MRAS: variants seen among roughly 807,000 people sequenced by gnomAD.
MRAS encodes the protein muscle RAS oncogene homolog.
Under a neutral mutation model 20.9 loss-of-function variants are expected in MRAS, and 4 were observed. The ratio of observed to expected loss-of-function variants is 0.19; its 90% CI spans 0.09 to 0.44. The LOEUF (loss-of-function observed/expected upper bound fraction) is 0.44. Ranked by LOEUF, MRAS falls within the 20% of genes least tolerant of loss-of-function variation. The probability of loss-of-function intolerance (pLI) is 0.99; values close to 1 mark genes in which losing one functional copy is unlikely to be tolerated. For synonymous variants in MRAS, 98 were observed against 102.9 expected, an observed-to-expected ratio of 0.95 and a Z score of 0.29; for missense variants, 154 against 277.5, an observed-to-expected ratio of 0.56 and a Z score of 3.16.
rs3821694 is a variant in MRAS at position 138,367,636 on chromosome 3, C to T, written c.-18-5230C>T. On this transcript the variant is annotated intron_variant, in intron 1 of 5. Transcript: ENST00000423968. Reference sequence around the variant, plus strand: ...CCTGCTTCTTAGCACAAGGGAGGCCCGTGTGGGTAGAAGGCCGCACTGGGA... The same window carrying T: ...CCTGCTTCTTAGCACAAGGGAGGCCTGTGTGGGTAGAAGGCCGCACTGGGA... 2.7e-3 allele frequency among the ~76,000 whole-genome samples: 415 copies of T among 152,230 alleles called. 15 individuals carry two copies. In the East Asian group the frequency reaches 0.064, roughly 23 times the overall value.
In MRAS at chr3:138,402,711, T is replaced by G. The variant is rs1352341306; in HGVS notation, c.*442T>G. 2 of 155,648 alleles carry G rather than the reference T, an allele frequency of 1.3e-5. No homozygotes were observed. Among genetic ancestry groups the G allele is most frequent in the African/African-American group, 2.4e-5 (1 of 41,580 alleles). The allele number at this position is 155,648 out of a possible 1,614,324, so 9.6% of individuals were successfully genotyped here. A position where few individuals can be genotyped will look rare whatever the true frequency, so the allele number is the denominator to read the frequency against. ...GGATGTCTTTTATAGATTTTTAAAT[T>G]ATTTTAGTGATTATTATTTTATTAA... On this transcript the variant is annotated 3_prime_UTR_variant, in exon 6 of 6. Coordinates refer to ENST00000423968, the MANE Select transcript of MRAS (RefSeq NM_001085049.3).
In MRAS at chr3:138,397,608, T is replaced by C. The variant is rs1355727038; in HGVS notation, c.347+131T>C. The C allele has an allele frequency of 5.6e-6, 6 of 1,076,946 alleles. 1 individual carries two copies. The Admixed American group carries it at 1.1e-4, about 20-fold the overall frequency. The allele number at this position is 1,076,946 out of a possible 1,614,324, so 66.7% of individuals were successfully genotyped here. ...AAGGCGTGGATTTTTTTAAGCCTTATGTGGAGTAATTAAATCATTTGAAAT... is the reference window on the plus strand; with the variant it reads ...AAGGCGTGGATTTTTTTAAGCCTTACGTGGAGTAATTAAATCATTTGAAAT... On this transcript the variant is annotated intron_variant, in intron 3 of 5. Transcript: ENST00000423968.
intron 1 of MRAS, among the ~76,000 whole-genome samples, chr3:138,367,807 G>A (rs1321028848): frequency 6.6e-6 from 1 of 152,162 alleles, no homozygotes; most frequent in Non-Finnish European, 1.5e-5. Flanking sequence ...TGGCATTCAG[G>A]GAAACAACTT....
intron 1 of MRAS, among the ~76,000 whole-genome samples, chr3:138,360,050 C>T (rs1239126592): frequency 2.0e-5 from 3 of 152,178 alleles, no homozygotes; most frequent in East Asian, 1.9e-4. Context: ...TCAGCTGGTG[C>T]GGGGTGTCAG....
At chr3:138,400,903 C>T (rs2055346688) in intron 5 of MRAS, among the ~76,000 whole-genome samples, 1 of 152,214 alleles carries the variant, frequency 6.6e-6, no homozygotes, top group African/African-American at 2.4e-5. Context: ...AGGCAGCTCC[C>T]TCCAGCCTGG....
At chr3:138,382,865 G>T (rs2054933771) in intron 2 of MRAS, among the ~76,000 whole-genome samples, 1 of 152,226 alleles carries the variant, frequency 6.6e-6, no homozygotes, top group Non-Finnish European at 1.5e-5. Context: ...TAGAAGTCAT[G>T]TGACCAGTTT....
intron 1 of MRAS, among the ~76,000 whole-genome samples, chr3:138,353,643 C>A (rs1456051823): frequency 1.3e-5 from 2 of 152,182 alleles, no homozygotes; most frequent in Non-Finnish European, 2.9e-5. Context: ...CTCTGTATGT[C>A]CGTCCTTTCT....
intron 1 of MRAS, among the ~76,000 whole-genome samples, chr3:138,365,624 A>ATGT (rs2054543420): frequency 6.6e-6 from 1 of 152,242 alleles, no homozygotes; most frequent in African/African-American, 2.4e-5. Context: ...AGATCTCCAG[A>ATGT]CATCACCAGG....
intron 5 of MRAS, 77 bp from the exon 6 acceptor site, chr3:138,402,093 G>A: frequency 7.2e-7 from 1 of 1,391,764 alleles, no homozygotes; most frequent in African/African-American, 1.4e-5. Flanking sequence ...CTCAGATCTG[G>A]GGCTAGGGAG....
chr3:138,353,838 C>T (rs2054276567), intron 1 of MRAS, among the ~76,000 whole-genome samples: 2 of 152,222 alleles, frequency 1.3e-5, no homozygotes, highest in Admixed American at 6.5e-5. Flanking sequence ...AACCGAGGCT[C>T]AAGGAAGTTA....
At chr3:138,370,837 C>T (rs2054660260) in intron 1 of MRAS, among the ~76,000 whole-genome samples, 1 of 151,998 alleles carries the variant, frequency 6.6e-6, no homozygotes, top group Admixed American at 6.5e-5. Flanking sequence ...TTAGAGACAA[C>T]CATCTGCTAA....
chr3:138,388,053 C>T (rs981973280), intron 2 of MRAS, among the ~76,000 whole-genome samples: 2 of 152,184 alleles, frequency 1.3e-5, no homozygotes, highest in African/African-American at 2.4e-5. Flanking sequence ...AGTTGGTGCC[C>T]ACTACAGGAC....
chr3:138,354,148 G>A (rs1338585329), intron 1 of MRAS, among the ~76,000 whole-genome samples: 6 of 152,216 alleles, frequency 3.9e-5, no homozygotes, highest in Admixed American at 3.9e-4. Context: ...GCAAAGAGAG[G>A]CAGCGAGTCC....
At chr3:138,386,690 C>G (rs2055022533) in intron 2 of MRAS, among the ~76,000 whole-genome samples, 1 of 152,108 alleles carries the variant, frequency 6.6e-6, no homozygotes, top group Non-Finnish European at 1.5e-5. Flanking sequence ...CACCAGTTGG[C>G]CAGGCTGGTC....
intron 1 of MRAS, among the ~76,000 whole-genome samples, chr3:138,352,778 A>G (rs1403269411): frequency 6.6e-6 from 1 of 152,070 alleles, no homozygotes; most frequent in Non-Finnish European, 1.5e-5. Flanking sequence ...TGCAGCTTGT[A>G]GTGGCCAAGC....
chr3:138,387,337 C>T (rs11920198), intron 2 of MRAS, among the ~76,000 whole-genome samples: 140 of 152,358 alleles, frequency 9.2e-4, no homozygotes, highest in Middle Eastern at 3.4e-3. Flanking sequence ...AGGAAGCAGC[C>T]TCCAGGCTTC....
chr3:138,377,216 C>A (rs933765628), intron 2 of MRAS, among the ~76,000 whole-genome samples: 2 of 152,186 alleles, frequency 1.3e-5, no homozygotes, highest in Admixed American at 1.3e-4. Context: ...CAGAGTCAGG[C>A]CCGATTTAGG....
At chr3:138,395,527 G>T (rs146531146) in intron 2 of MRAS, among the ~76,000 whole-genome samples, 9 of 151,982 alleles carry the variant, frequency 5.9e-5, no homozygotes, top group Middle Eastern at 3.4e-3. Flanking sequence ...TGTTCCCTCT[G>T]CCTGGAGTGC....
chr3:138,397,553 T>TCTCTC, intron 3 of MRAS, 76 bp downstream of exon 3: 1 of 1,443,716 alleles, frequency 6.9e-7, no homozygotes, highest in Non-Finnish European at 9.4e-7. Context: ...CTCTCTCTCT[T>TCTCTC]TCTCTTTCTC....
Sources: gnomAD v4.1 joint callset for allele counts (sites outside exome capture counted in the v4.1 genomes callset) on GRCh38, gnomAD v4.1.1 for gene constraint, MANE v1.5 for transcripts, NCBI Gene and HGNC (gene_info 2026-07-23, HGNC 2026-07-21) for gene names.